The following HDAC11 variants were observed in gnomAD, a reference collection of about 807,000 sequenced individuals.
The protein encoded by HDAC11 is histone deacetylase 11.
Under a neutral mutation model 41.1 loss-of-function variants are expected in HDAC11, and 23 were observed. The ratio of observed to expected loss-of-function variants is 0.56; its 90% CI spans 0.40 to 0.79. HDAC11 has a LOEUF of 0.79. Among genes scored for constraint, HDAC11 ranks in the 30% least tolerant of loss-of-function variants. HDAC11 has a pLI of 0.00. For missense variants in HDAC11, 402 were observed against 477.3 expected (o/e 0.84, Z 1.47); for synonymous variants, 187 against 186.6 (o/e 1.00, Z -0.02).
intron 3 of HDAC11, among the ~76,000 whole-genome samples, chr3:13,488,098 A>G (rs942814352): frequency 6.6e-6 from 1 of 151,588 alleles, no homozygotes; most frequent in Non-Finnish European, 1.5e-5. Context: ...ATCTGTCATG[A>G]GTTCCAGTAT....
chr3:13,498,207 C>G (rs954861844), intron 4 of HDAC11, among the ~76,000 whole-genome samples: 1 of 152,192 alleles, frequency 6.6e-6, no homozygotes, highest in Admixed American at 6.5e-5. Flanking sequence ...CCTTTGAAAG[C>G]CATATCAAAA....
rs751094601 is a variant in HDAC11 at position 13,496,697 on chromosome 3, G to A, written c.253-39G>A. 34 of 1,378,816 alleles carry A rather than the reference G, an allele frequency of 2.5e-5. No homozygotes were observed. The East Asian group carries it at 8.3e-4, about 34-fold the overall frequency. 85.4% of individuals were successfully genotyped at this position (1,378,816 alleles called of 1,614,324 possible). A position where few individuals can be genotyped will look rare whatever the true frequency, so the allele number is the denominator to read the frequency against. On this transcript the variant is annotated intron_variant, in intron 3 of 9. Coordinates refer to ENST00000295757, the MANE Select transcript of HDAC11 (RefSeq NM_024827.4). ...AATTTCTCACGGGTTGCCTCAGGGTGGGGAAGCGGAGGCCAACAGCCCCTG... is the reference window on the plus strand; with the variant it reads ...AATTTCTCACGGGTTGCCTCAGGGTAGGGAAGCGGAGGCCAACAGCCCCTG...
Position 13,496,854 on chromosome 3 carries a change from T to TC in HDAC11, c.369+2_369+3insC. On this transcript the variant is annotated splice_region_variant and intron_variant, in intron 4 of 9. Coordinates refer to ENST00000295757, the MANE Select transcript of HDAC11 (RefSeq NM_024827.4). ...ACCCAGACAGGAGGAACCATAATGG[T>TC]AGGTGGGGTGGGGGGGCATGGCTGG... 6.6e-7 allele frequency: 1 copy of TC among 1,508,708 alleles called. No homozygotes were observed. The highest frequency in any genetic ancestry group is 9.1e-7 in the Non-Finnish European group (1 of 1,101,978). The allele number at this position is 1,508,708 out of a possible 1,614,324, so 93.5% of individuals were successfully genotyped here.
In HDAC11 at chr3:13,504,787, G is replaced by T; in HGVS notation, c.*104G>T. 3 of 995,172 alleles carry T rather than the reference G, an allele frequency of 3.0e-6. No individual in the cohort carries two copies. The highest frequency in any genetic ancestry group is 4.6e-6 in the Non-Finnish European group (3 of 658,342). 61.6% of individuals were successfully genotyped at this position (995,172 alleles called of 1,614,324 possible). On this transcript the variant is annotated 3_prime_UTR_variant, in exon 10 of 10. Transcript: ENST00000295757. ...GGAGGCAGCCTTCAGTGAGCATGGA[G>T]GGGCAGGGCCATCCCTGGCTGGGGC... is the stretch of plus-strand genomic sequence containing the variant.
At chr3:13,500,687 C>T (rs1189980362) in intron 5 of HDAC11, 26 bp from the exon 6 acceptor site, 1 of 1,561,664 alleles carries the variant, frequency 6.4e-7, no homozygotes, top group East Asian at 2.3e-5. Context: ...TGGCTCTGAG[C>T]AGCACCGCTC....
chr3:13,498,694 C>T, intron 5 of HDAC11, 139 bp downstream of exon 5: 1 of 950,838 alleles, frequency 1.1e-6, no homozygotes, highest in South Asian at 1.5e-5. Flanking sequence ...GTCACCCTAG[C>T]CTCCTTGTGG....
intron 3 of HDAC11, among the ~76,000 whole-genome samples, chr3:13,489,361 T>G (rs1701743407): frequency 6.6e-6 from 1 of 151,852 alleles, no homozygotes; most frequent in African/African-American, 2.4e-5. Flanking sequence ...TTCACTTATA[T>G]TTAGGCCTTG....
Position 13,500,713 on chromosome 3 carries a change from G to T in HDAC11, c.413G>T (p.Gly138Val), listed in dbSNP as rs773310211. The change falls in exon 6 of 10, where the codon GGG becomes GTG. Residue 138 changes from glycine (G) to valine (V), a missense_variant and splice_region_variant. Transcript: ENST00000295757. ...AVERGWAINVGGGFHHCSSDR... is the reference protein window; with the variant it reads ...AVERGWAINVVGGFHHCSSDR... ...AGCACCGCTCTCTGCCCTTCCGCAG[G>T]GGGTGGCTTCCACCACTGCTCCAGC... The T allele has an allele frequency of 1.9e-6, 3 of 1,590,872 alleles. No individual in the cohort carries two copies. Among genetic ancestry groups the T allele is most frequent in the Admixed American group, 1.7e-5 (1 of 57,424 alleles).
chr3:13,490,175 G>A (rs901745958), intron 3 of HDAC11, among the ~76,000 whole-genome samples: 3 of 152,042 alleles, frequency 2.0e-5, no homozygotes, highest in Non-Finnish European at 2.9e-5. Flanking sequence ...TCTATTTTTA[G>A]TAGAGATGAG....
chr3:13,505,726 G>A lies in HDAC11; in HGVS notation c.*1043G>A, dbSNP rs1702592529. The A allele has an allele frequency of 6.6e-6, 1 of 152,328 alleles. No individual in the cohort carries two copies. Among genetic ancestry groups the A allele is most frequent in the Non-Finnish European group, 1.5e-5 (1 of 68,166 alleles). 9.4% of individuals were successfully genotyped at this position (152,328 alleles called of 1,614,324 possible). On this transcript the variant is annotated 3_prime_UTR_variant, in exon 10 of 10. Transcript: ENST00000295757. ...CATAGGTAGCCGGGGCAGGGCCCTGGGTGGGACTGTGGCCTCCACTGGCCT... is the reference window on the plus strand; with the variant it reads ...CATAGGTAGCCGGGGCAGGGCCCTGAGTGGGACTGTGGCCTCCACTGGCCT...
At chr3:13,481,530 C>T (rs1559368547) in intron 2 of HDAC11, 136 bp downstream of exon 2, 5 of 958,964 alleles carry the variant, frequency 5.2e-6, no homozygotes, top group East Asian at 2.5e-5. Context: ...CCCATGCTTC[C>T]GCCCAAAATG....
intron 8 of HDAC11, chr3:13,503,357 G>C: frequency 5.6e-6 from 1 of 177,618 alleles, no homozygotes; most frequent in Non-Finnish European, 1.2e-5. Flanking sequence ...CTGAGGTCGG[G>C]AGTTTGAGAC....
At chr3:13,484,161 G>T (rs978103661) in intron 3 of HDAC11, among the ~76,000 whole-genome samples, 1 of 151,998 alleles carries the variant, frequency 6.6e-6, no homozygotes, top group South Asian at 2.1e-4. Context: ...ATGTGGTTTC[G>T]CCGTGTTGGC....
Position 13,504,643 on chromosome 3 carries a change from A to G in HDAC11, c.1004A>G (p.Gln335Arg). 6.2e-7 allele frequency: 1 copy of G among 1,613,882 alleles called. No homozygotes were observed. The highest frequency in any genetic ancestry group is 8.5e-7 in the Non-Finnish European group (1 of 1,180,034). ...CCTGAGTCACCCAGCGTCTCCGCAC[A>G]GAACTCAGACACACCGCTGCTTCCC... ...IGPESPSVSAQNSDTPLLPPA... is the reference protein window; with the variant it reads ...IGPESPSVSARNSDTPLLPPA... Residue 335 changes from glutamine (Q) to arginine (R), a missense_variant, in exon 10 of 10, where the codon CAG (glutamine) becomes CGG (arginine). Physicochemically the swap from Gln to Arg is conservative, Grantham distance 43. Coordinates refer to ENST00000295757, the MANE Select transcript of HDAC11 (RefSeq NM_024827.4).
In HDAC11 at chr3:13,502,551, T is replaced by G; in HGVS notation, c.553-333T>G. Reference sequence around the variant, plus strand: ...TGCGACCCCGAACTCCTGAGCCAGGTCACATGTGGACAGTCCTTTACAGTT... The same window carrying G: ...TGCGACCCCGAACTCCTGAGCCAGGGCACATGTGGACAGTCCTTTACAGTT... On this transcript the variant is annotated intron_variant, in intron 7 of 9. Coordinates refer to ENST00000295757, the MANE Select transcript of HDAC11 (RefSeq NM_024827.4). The surrounding 1 kb of genome is among the most constrained non-coding windows in gnomAD (Gnocchi z 4.1). The G allele has an allele frequency of 4.3e-6, 1 of 230,710 alleles. No individual in the cohort carries two copies. The highest frequency in any genetic ancestry group is 7.6e-5 in the South Asian group (1 of 13,182). The allele number at this position is 230,710 out of a possible 1,614,324, so 14.3% of individuals were successfully genotyped here.
chr3:13,504,987 C>G lies in HDAC11; in HGVS notation c.*304C>G, dbSNP rs1702553070. ...AGAATTGGAGAGGACAGGCTAGGTCCCAGGCACAGCGAGGGCCCTGGGCTT... is the reference window on the plus strand; with the variant it reads ...AGAATTGGAGAGGACAGGCTAGGTCGCAGGCACAGCGAGGGCCCTGGGCTT... On this transcript the variant is annotated 3_prime_UTR_variant, in exon 10 of 10. Transcript: ENST00000295757. The G allele has an allele frequency of 2.2e-6, 1 of 454,128 alleles. No homozygotes were observed. The highest frequency in any genetic ancestry group is 2.0e-5 in the African/African-American group (1 of 50,972). The allele number at this position is 454,128 out of a possible 1,614,324, so 28.1% of individuals were successfully genotyped here. A position where few individuals can be genotyped will look rare whatever the true frequency, so the allele number is the denominator to read the frequency against.
chr3:13,490,252 A>G (rs956483134), intron 3 of HDAC11, among the ~76,000 whole-genome samples: 13 of 152,214 alleles, frequency 8.5e-5, no homozygotes, highest in African/African-American at 2.6e-4. Flanking sequence ...TCTGCCTCCC[A>G]AAGTGCTGGG....
rs372001744 is a variant in HDAC11 at position 13,496,871 on chromosome 3, C to T, written c.369+19C>T. ...CATAATGGTAGGTGGGGTGGGGGGG[C>T]ATGGCTGGGCTGGGGGCCCCCACAC... On this transcript the variant is annotated intron_variant, in intron 4 of 9. Coordinates refer to ENST00000295757, the MANE Select transcript of HDAC11 (RefSeq NM_024827.4). 1,416 of 979,570 alleles carry T rather than the reference C, an allele frequency of 1.4e-3. 29 individuals carry two copies. The South Asian group carries it at 0.019, about 13-fold the overall frequency. The allele number at this position is 979,570 out of a possible 1,614,324, so 60.7% of individuals were successfully genotyped here.
In HDAC11 at chr3:13,502,155, C is replaced by T; in HGVS notation, c.552+222C>T. On this transcript the variant is annotated intron_variant, in intron 7 of 9. Transcript: ENST00000295757. This position sits in a 1 kb window ranked among gnomAD's most constrained non-coding sequence, Gnocchi z 4.1. ...GTCCTCCCTCCCTCCTCCTGACTGCCCCCACATGAGGCTCTTCCTGAAGCC... is the reference window on the plus strand; with the variant it reads ...GTCCTCCCTCCCTCCTCCTGACTGCTCCCACATGAGGCTCTTCCTGAAGCC... The T allele has an allele frequency of 1.8e-6, 1 of 559,708 alleles. No homozygotes were observed. The highest frequency in any genetic ancestry group is 3.2e-6 in the Non-Finnish European group (1 of 313,886). The allele number at this position is 559,708 out of a possible 1,614,324, so 34.7% of individuals were successfully genotyped here.
Sources: gnomAD v4.1 joint callset for allele counts (sites outside exome capture counted in the v4.1 genomes callset) on GRCh38, gnomAD v4.1.1 for gene constraint, Gnocchi (gnomAD v3.1) non-coding constraint, MANE v1.5 for transcripts, NCBI Gene and HGNC (gene_info 2026-07-23, HGNC 2026-07-21) for gene names.